The following ADA variants were observed in gnomAD, a reference collection of about 807,000 sequenced individuals.
ADA encodes adenosine aminohydrolase.
In ADA, 45 loss-of-function variants were observed where a neutral mutation model predicts 49.0. That is an observed-to-expected ratio of 0.92 (90% CI 0.72 to 1.18). The LOEUF (loss-of-function observed/expected upper bound fraction) is 1.18. Ranked by LOEUF, ADA falls within the 50% of genes most tolerant of loss-of-function variation. The pLI is 0.00. For missense variants in ADA, 445 were observed against 472.5 expected (o/e 0.94, Z 0.54); for synonymous variants, 173 against 184.2 (o/e 0.94, Z 0.49).
At chr20:44,628,860 C>G (rs1255633574) in intron 3 of ADA, among the ~76,000 whole-genome samples, 187 bp downstream of exon 3, 1 of 152,166 alleles carries the variant, frequency 6.6e-6, no homozygotes, top group Admixed American at 6.5e-5. Context: ...GTCCATCACA[C>G]CCACATCTCA....
At chr20:44,632,159 T>G (rs1366087094) in intron 2 of ADA, among the ~76,000 whole-genome samples, 5 of 152,102 alleles carry the variant, frequency 3.3e-5, no homozygotes, top group Non-Finnish European at 5.9e-5. Flanking sequence ...GAGGTGACAT[T>G]TCAGCAGAAG....
At chr20:44,621,269 A>G (rs1002697100) in intron 9 of ADA, 122 bp from the exon 10 acceptor site, 4 of 1,265,236 alleles carry the variant, frequency 3.2e-6, no homozygotes, top group Non-Finnish European at 4.5e-6. Context: ...GAAAGATCTG[A>G]TCCTTGTGCA....
intron 3 of ADA, among the ~76,000 whole-genome samples, chr20:44,626,806 C>G (rs1420366797): frequency 2.0e-5 from 3 of 152,196 alleles, no homozygotes; most frequent in Non-Finnish European, 4.4e-5. Context: ...ACCCCTCCAT[C>G]CTGGCCTGAA....
intron 1 of ADA, among the ~76,000 whole-genome samples, chr20:44,637,475 A>G (rs780084296): frequency 6.6e-6 from 1 of 152,116 alleles, no homozygotes; most frequent in Non-Finnish European, 1.5e-5. Flanking sequence ...GGGGAAAGGG[A>G]CTTTGCTGTT....
At position 44,619,669 on chromosome 20, in the gene ADA, T is replaced by C; in HGVS notation, c.*165A>G. The stretch of plus-strand genomic sequence containing the variant: ...CATAATCAGAGAAGTGACGCGGCCA[T>C]GCCGAGGTATACGTGTGTGCAGAAA... On this transcript the variant is annotated 3_prime_UTR_variant, in exon 12 of 12. Transcript: ENST00000372874. 1.1e-6 allele frequency: 1 copy of C among 883,002 alleles called. No individual in the cohort carries two copies. Among genetic ancestry groups the C allele is most frequent in the South Asian group, 1.5e-5 (1 of 68,586 alleles). The allele number at this position is 883,002 out of a possible 1,614,324, so 54.7% of individuals were successfully genotyped here. A position where few individuals can be genotyped will look rare whatever the true frequency, so the allele number is the denominator to read the frequency against.
Position 44,626,609 on chromosome 20 carries a change from G to A in ADA, c.219-10C>T. The A allele has an allele frequency of 1.2e-6, 2 of 1,613,952 alleles. No homozygotes were observed. Among genetic ancestry groups the A allele is most frequent in the Non-Finnish European group, 1.7e-6 (2 of 1,180,012 alleles). On this transcript the variant is annotated splice_polypyrimidine_tract_variant and intron_variant, in intron 3 of 11. Coordinates refer to ENST00000372874, the MANE Select transcript of ADA (RefSeq NM_000022.4). ...AGCCTCCCGGCAGCCCCTGGGAAGG[G>A]AAGAAAGGGGTTGGGAACAACCTTC...
At position 44,636,216 on chromosome 20, in the gene ADA, T is replaced by C; in HGVS notation, c.95+11A>G. ...ATCCCAGGGAGAGAGGGCTCTTCTG[T>C]ATGGACTTACCTGCCATAGTATAAG... On this transcript the variant is annotated intron_variant, in intron 2 of 11. Transcript: ENST00000372874. The C allele has an allele frequency of 6.2e-7, 1 of 1,607,350 alleles. No individual in the cohort carries two copies.
Position 44,649,692 on chromosome 20 carries a change from T to A in ADA, c.33+1883A>T, listed in dbSNP as rs111628533. Among the ~76,000 whole-genome samples, 153 of 151,412 alleles carry A rather than the reference T, an allele frequency of 1.0e-3. 1 individual carries two copies. The highest frequency in any genetic ancestry group is 3.6e-3 in the African/African-American group (147 of 40,924). On this transcript the variant is annotated intron_variant, in intron 1 of 11. Transcript: ENST00000372874. ...GTGCTCTAGAAGTGGGCCCTGCTGTTCTCTCCATAACTCCCAACATGTTCG... is the reference window on the plus strand; with the variant it reads ...GTGCTCTAGAAGTGGGCCCTGCTGTACTCTCCATAACTCCCAACATGTTCG...
chr20:44,645,584 T>C (rs1450071877), intron 1 of ADA, among the ~76,000 whole-genome samples: 1 of 152,096 alleles, frequency 6.6e-6, no homozygotes, highest in African/African-American at 2.4e-5. Flanking sequence ...ATTGCACCAC[T>C]GCACTCCAGC....
chr20:44,644,749 A>G (rs6031690), intron 1 of ADA, among the ~76,000 whole-genome samples: 81,160 of 152,116 alleles, frequency 0.53, 22,449 homozygotes, highest in East Asian at 0.76. Context: ...GCTCAGCCTC[A>G]TCTAGGCTCC....
intron 1 of ADA, 147 bp from the exon 2 acceptor site, chr20:44,636,435 T>C: frequency 1.4e-6 from 1 of 706,424 alleles, no homozygotes; most frequent in Non-Finnish European, 2.5e-6. Flanking sequence ...TGACCCCATA[T>C]ACTTCGGTAA....
chr20:44,648,679 C>T (rs2065615436), intron 1 of ADA, among the ~76,000 whole-genome samples: 1 of 152,032 alleles, frequency 6.6e-6, no homozygotes, highest in Admixed American at 6.6e-5. Flanking sequence ...AAGAAGGTAG[C>T]CTCTTGAACC....
chr20:44,640,290 T>A (rs2065519843), intron 1 of ADA, among the ~76,000 whole-genome samples: 1 of 151,822 alleles, frequency 6.6e-6, no homozygotes, highest in Non-Finnish European at 1.5e-5. Context: ...GGCATGCACC[T>A]GTAGTCCCAG....
intron 3 of ADA, among the ~76,000 whole-genome samples, chr20:44,628,397 G>T (rs2065401944): frequency 6.6e-6 from 1 of 152,074 alleles, no homozygotes; most frequent in African/African-American, 2.4e-5. Context: ...TGTGATGGTG[G>T]GTGCCTGTGA....
intron 1 of ADA, among the ~76,000 whole-genome samples, chr20:44,643,918 G>A (rs1241271189): frequency 7.2e-5 from 11 of 151,990 alleles, no homozygotes; most frequent in Admixed American, 6.5e-4. Context: ...CAAGAGATGC[G>A]TGCCAGAGAG....
chr20:44,624,460 C>T (rs1568844793), intron 5 of ADA, 131 bp from the exon 6 acceptor site: 3 of 1,253,028 alleles, frequency 2.4e-6, no homozygotes, highest in Non-Finnish European at 3.4e-6. Context: ...TCTTCAAATC[C>T]TAACTGCTAT....
At chr20:44,633,062 C>T (rs2065448114) in intron 2 of ADA, among the ~76,000 whole-genome samples, 1 of 152,238 alleles carries the variant, frequency 6.6e-6, no homozygotes, top group Non-Finnish European at 1.5e-5. Flanking sequence ...TGGTCCTCTT[C>T]CGGCCTTGGT....
At chr20:44,644,961 G>A (rs768166911) in intron 1 of ADA, among the ~76,000 whole-genome samples, 1 of 152,232 alleles carries the variant, frequency 6.6e-6, no homozygotes, top group Non-Finnish European at 1.5e-5. Context: ...GGCTCAGAGA[G>A]TGGGAGGACC....
intron 2 of ADA, among the ~76,000 whole-genome samples, chr20:44,632,053 C>T (rs379863): frequency 0.73 from 111,512 of 152,138 alleles, 41,730 homozygotes; most frequent in East Asian, 0.83. Flanking sequence ...TTCTCCTCTT[C>T]GATTCTTCTT....
Sources: gnomAD v4.1 joint callset for allele counts (sites outside exome capture counted in the v4.1 genomes callset) on GRCh38, gnomAD v4.1.1 for gene constraint, MANE v1.5 for transcripts, NCBI Gene and HGNC (gene_info 2026-07-23, HGNC 2026-07-21) for gene names.